Variants in SLC44A1 observed in about 807,000 individuals in gnomAD.
SLC44A1 encodes choline transporter-like protein 1.
A neutral mutation model predicts 79.3 loss-of-function variants in SLC44A1; 26 were observed. That is an observed-to-expected ratio of 0.33 (90% CI 0.24 to 0.46). SLC44A1 has a LOEUF of 0.46. SLC44A1 is among the 20% of genes least tolerant of loss of function. The pLI, the probability that SLC44A1 is intolerant of heterozygous loss-of-function variation, is 1.00. For missense variants in SLC44A1, 688 were observed against 798.1 expected (o/e 0.86, Z 1.66); for synonymous variants, 263 against 286.2 (o/e 0.92, Z 0.82).
chr9:105,313,729 A>G (rs1392611664), intron 3 of SLC44A1, among the ~76,000 whole-genome samples: 4 of 152,086 alleles, frequency 2.6e-5, no homozygotes, highest in African/African-American at 9.7e-5. Context: ...TAGAGTATAT[A>G]TGTCAATTTT....
chr9:105,396,332 TTAAC>T lies in SLC44A1; in HGVS notation c.*7277_*7280del. ...GATTTTATTACAGGAGAAAAAAACTTTAACAAAAAGGCAGGGAGAAAAGTGTGAA... is the reference window on the plus strand; with the variant it reads ...GATTTTATTACAGGAGAAAAAAACTTAAAAAGGCAGGGAGAAAAGTGTGAA... On this transcript the variant is annotated 3_prime_UTR_variant, in exon 16 of 16. Transcript: ENST00000374720. 1.0e-6 allele frequency: 1 copy of T among 985,304 alleles called. No homozygotes were observed. The highest frequency in any genetic ancestry group is 1.2e-6 in the Non-Finnish European group (1 of 829,886). The allele number at this position is 985,304 out of a possible 1,614,324, so 61.0% of individuals were successfully genotyped here.
intron 3 of SLC44A1, among the ~76,000 whole-genome samples, chr9:105,333,639 G>A (rs773667380): frequency 1.3e-4 from 19 of 151,954 alleles, no homozygotes; most frequent in Non-Finnish European, 2.6e-4. Context: ...GTGAAACCCC[G>A]TTTCTACTAA....
At chr9:105,313,374 A>G (rs1450763701) in intron 3 of SLC44A1, among the ~76,000 whole-genome samples, 3 of 152,216 alleles carry the variant, frequency 2.0e-5, no homozygotes, top group South Asian at 4.1e-4. Context: ...CACATCTGTG[A>G]TCACTTTCTG....
chr9:105,256,741 T>TTTTTATTTTA (rs59529626), intron 1 of SLC44A1, among the ~76,000 whole-genome samples: 8,589 of 130,822 alleles, frequency 0.066, 360 homozygotes, highest in East Asian at 0.099. Context: ...TTTTGTATTA[T>TTTTTATTTTA]TTTTATTTTA....
At chr9:105,313,214 A>G (rs1309976187) in intron 3 of SLC44A1, among the ~76,000 whole-genome samples, 1 of 152,158 alleles carries the variant, frequency 6.6e-6, no homozygotes, top group East Asian at 1.9e-4. Flanking sequence ...CTTTCCTTTA[A>G]TTTGATTACC....
chr9:105,400,178 A>G (rs1160384510), downstream of SLC44A1, among the ~76,000 whole-genome samples: 1 of 151,882 alleles, frequency 6.6e-6, no homozygotes, highest in African/African-American at 2.4e-5. Flanking sequence ...CCGGGCAGCA[A>G]GAGTGAAACT....
chr9:105,261,348 T>G (rs781277928), intron 1 of SLC44A1, among the ~76,000 whole-genome samples: 1 of 152,100 alleles, frequency 6.6e-6, no homozygotes, highest in African/African-American at 2.4e-5. Flanking sequence ...GCAACACACC[T>G]CTTGTTTCTG....
At chr9:105,372,674 G>A (rs1828142527) in intron 12 of SLC44A1, among the ~76,000 whole-genome samples, 1 of 151,240 alleles carries the variant, frequency 6.6e-6, no homozygotes, top group Admixed American at 6.6e-5. Context: ...AGGTAGGCCG[G>A]GCGCGGTGGC....
intron 12 of SLC44A1, among the ~76,000 whole-genome samples, chr9:105,373,023 C>T (rs1828161235): frequency 6.6e-6 from 1 of 151,850 alleles, no homozygotes; most frequent in African/African-American, 2.4e-5. Context: ...AAATGTTCTG[C>T]ATTTTTAATC....
intron 2 of SLC44A1, among the ~76,000 whole-genome samples, chr9:105,301,510 G>A (rs929993642): frequency 1.3e-5 from 2 of 152,222 alleles, no homozygotes; most frequent in African/African-American, 4.8e-5. Flanking sequence ...GCACAACAGA[G>A]ATTCAGCATT....
chr9:105,368,931 C>T (rs1023816238), intron 12 of SLC44A1, among the ~76,000 whole-genome samples: 8 of 151,892 alleles, frequency 5.3e-5, no homozygotes, highest in South Asian at 2.1e-4. Context: ...CCAGCTACTC[C>T]GGAGGCCGAG....
chr9:105,309,901 A>G (rs1263412380), intron 3 of SLC44A1, 35 bp downstream of exon 3: 3 of 1,595,258 alleles, frequency 1.9e-6, no homozygotes, highest in South Asian at 2.3e-5. Context: ...ACACATGGAA[A>G]CTTTGAAAGA....
At position 105,390,287 on chromosome 9, in the gene SLC44A1, A is replaced by G; in HGVS notation, c.*1231A>G. On this transcript the variant is annotated 3_prime_UTR_variant, in exon 16 of 16. Transcript: ENST00000374720. ...GAATGCTTTAAGAAAAAAAAGTGTA[A>G]TTTGCTAAGAATAATTCATGATCTG... The G allele has an allele frequency of 9.9e-7, 1 of 1,013,502 alleles. No individual in the cohort carries two copies. The highest frequency in any genetic ancestry group is 9.4e-5 in the East Asian group (1 of 10,690). 62.8% of individuals were successfully genotyped at this position (1,013,502 alleles called of 1,614,324 possible).
In SLC44A1 at chr9:105,391,115, C is replaced by A. The variant is rs957691427; in HGVS notation, c.*2059C>A. 31 of 985,682 alleles carry A rather than the reference C, an allele frequency of 3.1e-5. No homozygotes were observed. In the African/African-American group the frequency reaches 5.1e-4, roughly 16 times the overall value. The allele number at this position is 985,682 out of a possible 1,614,324, so 61.1% of individuals were successfully genotyped here. On this transcript the variant is annotated 3_prime_UTR_variant, in exon 16 of 16. Transcript: ENST00000374720. ...GATGGGTATCAAAACAGAAGACATT[C>A]CAGGAGCTAGCAATTTTAAGAGGTG...
intron 15 of SLC44A1, among the ~76,000 whole-genome samples, chr9:105,411,911 G>C (rs1377948013): frequency 2.0e-5 from 3 of 152,140 alleles, no homozygotes; most frequent in Non-Finnish European, 4.4e-5. Context: ...CAATGTAAAT[G>C]TACTGTTTCT....
Position 105,357,469 on chromosome 9 carries a change from C to T in SLC44A1, c.671-875C>T, listed in dbSNP as rs560525095. Reference sequence around the variant, plus strand: ...AATTCTATTTTTTATTAGAATGATTCTCTTTTGAGGCTTAAGAGTGTAATA... The same window carrying T: ...AATTCTATTTTTTATTAGAATGATTTTCTTTTGAGGCTTAAGAGTGTAATA... On this transcript the variant is annotated intron_variant, in intron 6 of 15. Transcript: ENST00000374720. 3.3e-4 allele frequency among the ~76,000 whole-genome samples: 50 copies of T among 152,208 alleles called. No homozygotes were observed. In the South Asian group the frequency reaches 0.01, roughly 32 times the overall value.
chr9:105,268,010 A>G (rs1360774014), intron 1 of SLC44A1, among the ~76,000 whole-genome samples: 1 of 152,176 alleles, frequency 6.6e-6, no homozygotes, highest in Non-Finnish European at 1.5e-5. Context: ...CCTGGGACTC[A>G]AGCAGGGAAA....
intron 15 of SLC44A1, among the ~76,000 whole-genome samples, chr9:105,409,973 A>G (rs958871796): frequency 1.3e-5 from 2 of 152,218 alleles, no homozygotes; most frequent in East Asian, 3.8e-4. Flanking sequence ...AATCACAGTA[A>G]ATTTTAAAAG....
At position 105,390,976 on chromosome 9, in the gene SLC44A1, A is replaced by C; in HGVS notation, c.*1920A>C. On this transcript the variant is annotated 3_prime_UTR_variant, in exon 16 of 16. Transcript: ENST00000374720. Reference sequence around the variant, plus strand: ...ATATAACTAACAATTGTCCAAATAGATGAGAGAGCAAATCATGTGAGAAAA... The same window carrying C: ...ATATAACTAACAATTGTCCAAATAGCTGAGAGAGCAAATCATGTGAGAAAA... 2.0e-6 allele frequency: 2 copies of C among 983,952 alleles called. No homozygotes were observed. Among genetic ancestry groups the C allele is most frequent in the Non-Finnish European group, 2.4e-6 (2 of 828,216 alleles). 61.0% of individuals were successfully genotyped at this position (983,952 alleles called of 1,614,324 possible).
Sources: allele counts gnomAD v4.1 joint callset (sites outside exome capture counted in the v4.1 genomes callset), GRCh38; gene constraint gnomAD v4.1.1; transcripts MANE v1.5; gene names NCBI Gene and HGNC (gene_info 2026-07-23, HGNC 2026-07-21).